BNC2: variants seen among roughly 807,000 people sequenced by gnomAD.
BNC2 encodes the protein basonuclin zinc finger protein 2, also known as zinc finger protein basonuclin-2.
Under a neutral mutation model 76.3 loss-of-function variants are expected in BNC2, and 20 were observed. The ratio of observed to expected loss-of-function variants is 0.26; its 90% CI spans 0.18 to 0.38. The LOEUF (loss-of-function observed/expected upper bound fraction) is 0.38, where lower values mean the gene tolerates loss of function less well. Among genes scored for constraint, BNC2 ranks in the 10% least tolerant of loss-of-function variants. BNC2 has a pLI of 1.00. For missense variants in BNC2, 1,382 were observed against 1,399.8 expected (o/e 0.99, Z 0.20); for synonymous variants, 582 against 514.8 (o/e 1.13, Z -1.77).
At chr9:16,721,537 C>A (rs1824157596) in intron 3 of BNC2, among the ~76,000 whole-genome samples, 1 of 152,134 alleles carries the variant, frequency 6.6e-6, no homozygotes, top group Non-Finnish European at 1.5e-5. Context: ...TGACCAAGGT[C>A]TGGAGAAGGG....
At chr9:16,831,634 G>A (rs1203228877) in intron 1 of BNC2, among the ~76,000 whole-genome samples, 1 of 152,122 alleles carries the variant, frequency 6.6e-6, no homozygotes, top group Non-Finnish European at 1.5e-5. Flanking sequence ...ATTAAACCTG[G>A]AGTCAGCATA....
intron 1 of BNC2, among the ~76,000 whole-genome samples, chr9:16,817,729 A>T (rs1818219059): frequency 6.6e-6 from 1 of 152,174 alleles, no homozygotes; most frequent in African/African-American, 2.4e-5. Flanking sequence ...CAGGATTTAC[A>T]GCTTTTGCTC....
At chr9:16,594,540 C>T (rs1483910200) in intron 3 of BNC2, among the ~76,000 whole-genome samples, 1 of 152,068 alleles carries the variant, frequency 6.6e-6, no homozygotes, top group Non-Finnish European at 1.5e-5. Flanking sequence ...ATAAAATTTA[C>T]CCCAGTAAAG....
chr9:16,785,107 T>C (rs1475341949), intron 1 of BNC2, among the ~76,000 whole-genome samples: 3 of 152,188 alleles, frequency 2.0e-5, no homozygotes, highest in African/African-American at 7.2e-5. Flanking sequence ...TGTTTGCACT[T>C]TGTAGAAAAG....
intron 1 of BNC2, among the ~76,000 whole-genome samples, chr9:16,838,062 G>GCC (rs1818748401): frequency 6.6e-6 from 1 of 152,134 alleles, no homozygotes; most frequent in African/African-American, 2.4e-5. Flanking sequence ...GATCACTACT[G>GCC]CCCTTTGGAG....
intron 3 of BNC2, among the ~76,000 whole-genome samples, chr9:16,584,551 A>T (rs1241475035): frequency 1.3e-5 from 2 of 152,204 alleles, no homozygotes; most frequent in Non-Finnish European, 2.9e-5. Flanking sequence ...GCTTCAATTT[A>T]GCACTAGGGA....
intron 5 of BNC2, among the ~76,000 whole-genome samples, chr9:16,538,738 C>T (rs562461879): frequency 1.2e-4 from 18 of 152,156 alleles, no homozygotes; most frequent in South Asian, 6.2e-4. Context: ...TTGAAATTTA[C>T]GTTAGTCAGT....
rs755684997 is a variant in BNC2, at chr9:16,630,749, C to CTTTTTTTTTT, written c.331-47665_331-47664insAAAAAAAAAA. 7.8e-5 allele frequency among the ~76,000 whole-genome samples: 11 copies of CTTTTTTTTTT among 140,196 alleles called. 1 individual carries two copies. Among genetic ancestry groups the CTTTTTTTTTT allele is most frequent in the Admixed American group, 2.1e-4 (3 of 14,296 alleles). 92.0% of individuals were successfully genotyped at this position (140,196 alleles called of 152,430 possible). On this transcript the variant is annotated intron_variant, in intron 3 of 6. Coordinates refer to ENST00000380672, the MANE Select transcript of BNC2 (RefSeq NM_017637.6). ...TATTATTTAAAAATGTGGAGCGTTTCTTTTTTTGAAACAGAGTTTCACTCT... is the reference window on the plus strand; with the variant it reads ...TATTATTTAAAAATGTGGAGCGTTTCTTTTTTTTTTTTTTTTTGAAACAGAGTTTCACTCT...
At chr9:16,535,182 C>T (rs925626669) in intron 5 of BNC2, among the ~76,000 whole-genome samples, 5 of 152,144 alleles carry the variant, frequency 3.3e-5, no homozygotes, top group Admixed American at 2.6e-4. Flanking sequence ...TTTATGGCAA[C>T]GTTGCCCATA....
chr9:16,784,006 G>C (rs2039185), intron 1 of BNC2, among the ~76,000 whole-genome samples: 13,966 of 152,166 alleles, frequency 0.092, 816 homozygotes, highest in Admixed American at 0.19. Context: ...CAGTGGAATA[G>C]CATCCGATTT....
chr9:16,716,027 C>G lies in BNC2; in HGVS notation c.330+11770G>C, dbSNP rs536766324. Among the ~76,000 whole-genome samples, 3 of 152,170 alleles carry G rather than the reference C, an allele frequency of 2.0e-5. No homozygotes were observed. In the East Asian group the frequency reaches 5.8e-4, roughly 29 times the overall value. On this transcript the variant is annotated intron_variant, in intron 3 of 6. Transcript: ENST00000380672. Reference sequence around the variant, plus strand: ...AAATAGTAAATCCAGAACTGATGACCCAGCCTTACAGAGTGGTTCAACAAT... The same window carrying G: ...AAATAGTAAATCCAGAACTGATGACGCAGCCTTACAGAGTGGTTCAACAAT...
intron 4 of BNC2, among the ~76,000 whole-genome samples, chr9:16,577,946 C>T (rs1465833350): frequency 1.3e-5 from 2 of 151,996 alleles, no homozygotes; most frequent in Admixed American, 6.6e-5. Flanking sequence ...GCTGTGGGTG[C>T]GTTAAGCTAT....
Position 16,413,492 on chromosome 9 carries a change from A to T in BNC2, c.*5497T>A, listed in dbSNP as rs1439151098. On this transcript the variant is annotated 3_prime_UTR_variant, in exon 7 of 7. Transcript: ENST00000380672. ...ATGCCAAAAAGACAGTATGCCGAAT[A>T]ACATAGTTATTGCCGAATGAGCACA... is the stretch of plus-strand genomic sequence containing the variant. The T allele has an allele frequency of 6.6e-6, 1 of 152,186 alleles. No individual in the cohort carries two copies. Among genetic ancestry groups the T allele is most frequent in the African/African-American group, 2.4e-5 (1 of 41,446 alleles). The allele number at this position is 152,186 out of a possible 1,614,324, so 9.4% of individuals were successfully genotyped here.
intron 3 of BNC2, among the ~76,000 whole-genome samples, chr9:16,717,631 G>C (rs1824028768): frequency 1.3e-5 from 2 of 152,070 alleles, no homozygotes; most frequent in African/African-American, 4.8e-5. Flanking sequence ...CTACTTAATT[G>C]TTTTAAGATG....
At chr9:16,518,575 TATA>T (rs201557423) in intron 5 of BNC2, among the ~76,000 whole-genome samples, 38,532 of 142,332 alleles carry the variant, frequency 0.27, 5,201 homozygotes, top group Non-Finnish European at 0.29. Context: ...CATATATATA[TATA>T]TTTTTTGTTG....
chr9:16,738,241 G>C (rs955690611), intron 2 of BNC2, 119 bp downstream of exon 2: 3 of 1,116,796 alleles, frequency 2.7e-6, no homozygotes, highest in South Asian at 1.3e-5. Flanking sequence ...ATGAGGATAA[G>C]TATGAAAGAC....
chr9:16,577,578 G>A (rs981865825), intron 4 of BNC2, among the ~76,000 whole-genome samples: 1 of 151,780 alleles, frequency 6.6e-6, no homozygotes, highest in African/African-American at 2.4e-5. Flanking sequence ...ATGTAGACCA[G>A]GTCTGCTTAC....
chr9:16,641,667 C>A (rs186529543), intron 3 of BNC2, among the ~76,000 whole-genome samples: 2 of 152,188 alleles, frequency 1.3e-5, no homozygotes, highest in Non-Finnish European at 2.9e-5. Context: ...ATCAGTGGTT[C>A]CAGCTAAGAT....
chr9:16,573,531 A>T (rs1819392957), intron 4 of BNC2, among the ~76,000 whole-genome samples: 1 of 107,116 alleles, frequency 9.3e-6, no homozygotes, highest in Non-Finnish European at 1.7e-5. Context: ...CCAGGTGTAG[A>T]GTTGCCTTTA....
Sources: allele counts gnomAD v4.1 joint callset (sites outside exome capture counted in the v4.1 genomes callset), GRCh38; gene constraint gnomAD v4.1.1; transcripts MANE v1.5; gene names NCBI Gene and HGNC (gene_info 2026-07-23, HGNC 2026-07-21).